Variants in MOV10L1 observed in about 807,000 individuals in gnomAD.
MOV10L1 encodes RNA helicase Mov10l1.
In MOV10L1, 110 loss-of-function variants were observed where a neutral mutation model predicts 143.8. The ratio of observed to expected loss-of-function variants is 0.76; its 90% CI spans 0.66 to 0.90. MOV10L1 has a LOEUF of 0.90. Among genes scored for constraint, MOV10L1 ranks in the 40% least tolerant of loss-of-function variants. The probability of loss-of-function intolerance (pLI) is 0.00; values close to 1 mark genes in which losing one functional copy is unlikely to be tolerated. For synonymous variants in MOV10L1, 593 were observed against 581.1 expected, an observed-to-expected ratio of 1.02 and a Z score of -0.29; for missense variants, 1,406 against 1,526.8, an observed-to-expected ratio of 0.92 and a Z score of 1.32.
At chr22:50,101,521 T>C (rs2061743611) in intron 3 of MOV10L1, among the ~76,000 whole-genome samples, 1 of 151,478 alleles carries the variant, frequency 6.6e-6, no homozygotes, top group African/African-American at 2.4e-5. Flanking sequence ...GGGTTTTGTT[T>C]TTTTTTTCTT....
chr22:50,146,197 G>A (rs11912356), intron 19 of MOV10L1, among the ~76,000 whole-genome samples: 23 of 152,246 alleles, frequency 1.5e-4, no homozygotes, highest in African/African-American at 5.3e-4. Context: ...GGTGAGCCGG[G>A]AAGCCAGTGA....
intron 9 of MOV10L1, 49 bp from the exon 10 acceptor site, chr22:50,120,453 T>TA (rs768803642): frequency 2.6e-6 from 3 of 1,168,990 alleles, no homozygotes; most frequent in Non-Finnish European, 3.8e-6. Context: ...TGTCTAGTGA[T>TA]ACCTGGTGAT....
Position 50,128,407 on chromosome 22 carries a change from CT to C in MOV10L1, c.1819-3del. On this transcript the variant is annotated splice_region_variant and splice_polypyrimidine_tract_variant and intron_variant, in intron 12 of 26. Coordinates refer to ENST00000262794, the MANE Select transcript of MOV10L1 (RefSeq NM_018995.3). ...AAGAAATCAGGTATATTGTTTGTTC[CT>C]TTTTTAGATTCATGAAGAAGATGTA... is the stretch of plus-strand genomic sequence containing the variant. 2.2e-6 allele frequency: 3 copies of C among 1,393,308 alleles called. No individual in the cohort carries two copies. Among genetic ancestry groups the C allele is most frequent in the Non-Finnish European group, 3.0e-6 (3 of 996,416 alleles). 86.3% of individuals were successfully genotyped at this position (1,393,308 alleles called of 1,614,324 possible).
intron 5 of MOV10L1, among the ~76,000 whole-genome samples, chr22:50,112,274 G>A (rs562269059): frequency 3.9e-5 from 6 of 152,312 alleles, no homozygotes; most frequent in East Asian, 1.9e-4. Flanking sequence ...AGCCTGGGAC[G>A]CACAGGAGCT....
Position 50,115,559 on chromosome 22 carries a change from A to T in MOV10L1, c.1259+313A>T, listed in dbSNP as rs184454642. Among the ~76,000 whole-genome samples the T allele has an allele frequency of 1.4e-4, 21 of 152,336 alleles. No individual in the cohort carries two copies. The East Asian group carries it at 4.0e-3, about 29-fold the overall frequency. ...GAGCAAGACTCTGTCTCAAAAAAAC[A>T]AAAAGGTACACCTGACGTTTTTGAT... On this transcript the variant is annotated intron_variant, in intron 8 of 26. Transcript: ENST00000262794.
At chr22:50,130,983 G>A (rs1218504203) in intron 13 of MOV10L1, among the ~76,000 whole-genome samples, 1 of 151,960 alleles carries the variant, frequency 6.6e-6, no homozygotes, top group African/African-American at 2.4e-5. Context: ...TGCAAGCTCT[G>A]CCTTCCAGGT....
intron 19 of MOV10L1, among the ~76,000 whole-genome samples, chr22:50,148,960 G>C (rs1039718291): frequency 2.6e-5 from 4 of 152,192 alleles, no homozygotes; most frequent in Non-Finnish European, 5.9e-5. Flanking sequence ...CACTGCGCCC[G>C]ACCAACCCCA....
rs772223188 is a variant in MOV10L1, at chr22:50,159,829, G to A, written c.3324+44G>A. ...CGTGGGGATGGACAGTCAGGTGCTTGCTGCCCTGGGGGTTCTGGGGGCTTC... is the reference window on the plus strand; with the variant it reads ...CGTGGGGATGGACAGTCAGGTGCTTACTGCCCTGGGGGTTCTGGGGGCTTC... On this transcript the variant is annotated intron_variant, in intron 24 of 26. Coordinates refer to ENST00000262794, the MANE Select transcript of MOV10L1 (RefSeq NM_018995.3). The surrounding 1 kb of genome is among the most constrained non-coding windows in gnomAD (Gnocchi z 4.1). The A allele has an allele frequency of 8.3e-5, 112 of 1,344,468 alleles. 2 individuals are homozygous for A. The South Asian group carries it at 1.3e-3, about 16-fold the overall frequency. 83.3% of individuals were successfully genotyped at this position (1,344,468 alleles called of 1,614,324 possible).
At chr22:50,156,499 A>C (rs2063431846) in intron 22 of MOV10L1, among the ~76,000 whole-genome samples, 1 of 152,214 alleles carries the variant, frequency 6.6e-6, no homozygotes, top group South Asian at 2.1e-4. Flanking sequence ...TGCAGTATTA[A>C]AATTCTATAC....
intron 3 of MOV10L1, among the ~76,000 whole-genome samples, chr22:50,099,866 T>C (rs1282305073): frequency 1.3e-5 from 2 of 152,172 alleles, no homozygotes; most frequent in African/African-American, 4.8e-5. Flanking sequence ...GGGCATGCTT[T>C]GTTTGTTGAG....
At chr22:50,092,210 C>G (rs371228538) in intron 2 of MOV10L1, 25 bp downstream of exon 2, 423 of 1,600,388 alleles carry the variant, frequency 2.6e-4, no homozygotes, top group Non-Finnish European at 3.5e-4. Context: ...CATTTGGGAA[C>G]AGTTTTTCTT....
rs1233483622 is a variant in MOV10L1 at position 50,090,132 on chromosome 22, C to T, written c.44C>T (p.Thr15Met). The T allele has an allele frequency of 2.2e-6, 3 of 1,380,726 alleles. No individual in the cohort carries two copies. Among genetic ancestry groups the T allele is most frequent in the African/African-American group, 1.5e-5 (1 of 65,200 alleles). The allele number at this position is 1,380,726 out of a possible 1,614,324, so 85.5% of individuals were successfully genotyped here. A position where few individuals can be genotyped will look rare whatever the true frequency, so the allele number is the denominator to read the frequency against. Residue 15 changes from threonine (T) to methionine (M), a missense_variant, in exon 1 of 27, where the codon ACG (threonine) becomes ATG (methionine). This residue lies in a region of MOV10L1 where 166 missense variants were observed against 153.9 expected (regional missense o/e 1.08). Transcript: ENST00000262794. The part of the protein sequence containing the change: ...AAKLVAFFWR[T>M]ADTPREEAGQ... ...AAGCTGGTGGCCTTCTTCTGGAGGA[C>T]GGCGGACACCCCTAGGGAGGAAGCC...
intron 2 of MOV10L1, 83 bp downstream of exon 2, chr22:50,092,268 A>C: frequency 7.9e-7 from 1 of 1,271,110 alleles, no homozygotes; most frequent in Middle Eastern, 2.2e-4. Flanking sequence ...TCTATCAGAC[A>C]TGACCCGGCC....
intron 13 of MOV10L1, among the ~76,000 whole-genome samples, chr22:50,133,590 G>T (rs2062739413): frequency 6.6e-6 from 1 of 151,868 alleles, no homozygotes; most frequent in African/African-American, 2.4e-5. Flanking sequence ...ACCCAGGCTG[G>T]AGTGCAGTGG....
intron 16 of MOV10L1, among the ~76,000 whole-genome samples, chr22:50,142,534 C>T (rs941204132): frequency 1.3e-5 from 2 of 152,162 alleles, no homozygotes; most frequent in South Asian, 4.1e-4. Context: ...CCCTCTTTAA[C>T]AAAGCACAGA....
At chr22:50,107,083 CT>C (rs1245023456) in intron 3 of MOV10L1, among the ~76,000 whole-genome samples, 2 of 147,988 alleles carry the variant, frequency 1.4e-5, no homozygotes, top group Admixed American at 6.7e-5. Context: ...TCTTTCTTTT[CT>C]TTTTTTTTGA....
rs984791065 is a variant in MOV10L1, at chr22:50,100,579, T to G, written c.442+977T>G. 8.5e-5 allele frequency among the ~76,000 whole-genome samples: 13 copies of G among 152,220 alleles called. No individual in the cohort carries two copies. In the South Asian group the frequency reaches 2.3e-3, roughly 27 times the overall value. ...CCCAGGCTGGAGTGCAGTGGCACGA[T>G]CTCAGCTTACTGCAACCTCCGCCTC... On this transcript the variant is annotated intron_variant, in intron 3 of 26. Transcript: ENST00000262794.
At chr22:50,099,860 A>G (rs900540198) in intron 3 of MOV10L1, among the ~76,000 whole-genome samples, 1 of 152,164 alleles carries the variant, frequency 6.6e-6, no homozygotes, top group African/African-American at 2.4e-5. Flanking sequence ...AGTTTTGGGC[A>G]TGCTTTGTTT....
At chr22:50,105,229 G>A (rs6010170) in intron 3 of MOV10L1, among the ~76,000 whole-genome samples, 1 of 152,150 alleles carries the variant, frequency 6.6e-6, no homozygotes, top group Non-Finnish European at 1.5e-5. Context: ...TTCCAGCCCA[G>A]ATGTTTTCAT....
Sources: allele counts gnomAD v4.1 joint callset (sites outside exome capture counted in the v4.1 genomes callset), GRCh38; gene constraint gnomAD v4.1.1; regional missense constraint gnomAD v4.1.1; non-coding constraint Gnocchi (gnomAD v3.1); transcripts MANE v1.5; gene names NCBI Gene and HGNC (gene_info 2026-07-23, HGNC 2026-07-21).